Variants in PCA3 observed in about 807,000 individuals in gnomAD.
The protein encoded by PCA3 is prostate cancer associated 3.
intron 2 of PCA3, among the ~76,000 whole-genome samples, chr9:76,766,300 C>T (rs1189155317): frequency 1.3e-5 from 2 of 152,002 alleles, no homozygotes; most frequent in Non-Finnish European, 2.9e-5. Flanking sequence ...CATATGTTCA[C>T]TCCCCAGGCA....
At chr9:76,785,682 C>T (rs2054901630) in intron 2 of PCA3, 1 of 151,980 alleles carries the variant, frequency 6.6e-6, no homozygotes, top group African/African-American at 2.4e-5. Context: ...GGGTTCACTC[C>T]TGGCAATAAA....
intron 2 of PCA3, among the ~76,000 whole-genome samples, chr9:76,766,348 G>C (rs969093180): frequency 6.6e-6 from 1 of 152,026 alleles, no homozygotes; most frequent in African/African-American, 2.4e-5. Context: ...GCATTGAGTG[G>C]GTGGCTGTGT....
intron 2 of PCA3, among the ~76,000 whole-genome samples, chr9:76,776,576 AC>A (rs1326450311): frequency 7.8e-6 from 1 of 128,656 alleles, no homozygotes; most frequent in Non-Finnish European, 1.5e-5. Flanking sequence ...AGTGCAGTGC[AC>A]AATCTCGGCT....
intron 2 of PCA3, among the ~76,000 whole-genome samples, chr9:76,766,974 C>T (rs1020725444): frequency 1.3e-5 from 2 of 152,158 alleles, no homozygotes; most frequent in African/African-American, 2.4e-5. Context: ...TCTCCCACCT[C>T]GCCACACCTT....
At chr9:76,776,266 T>G (rs1347048516) in intron 2 of PCA3, among the ~76,000 whole-genome samples, 1 of 152,182 alleles carries the variant, frequency 6.6e-6, no homozygotes, top group African/African-American at 2.4e-5. Flanking sequence ...CAATGGGTAA[T>G]TTTTCATTCC....
At chr9:76,773,420 A>T (rs2053333308) in intron 2 of PCA3, among the ~76,000 whole-genome samples, 1 of 150,284 alleles carries the variant, frequency 6.7e-6, no homozygotes, top group Non-Finnish European at 1.5e-5. Context: ...CAGTCACATC[A>T]CATACACACT....
chr9:76,780,559 C>T (rs373646129), intron 2 of PCA3, among the ~76,000 whole-genome samples: 3 of 152,048 alleles, frequency 2.0e-5, no homozygotes, highest in Non-Finnish European at 2.9e-5. Flanking sequence ...GGCATGGTGG[C>T]GGGTGCCTGT....
intron 2 of PCA3, among the ~76,000 whole-genome samples, chr9:76,775,885 T>C (rs532388901): frequency 6.3e-4 from 95 of 151,856 alleles, no homozygotes; most frequent in African/African-American, 2.1e-3. Context: ...CCACCATTTC[T>C]ATAACTTCCA....
intron 2 of PCA3, among the ~76,000 whole-genome samples, chr9:76,775,973 A>G (rs182805196): frequency 2.0e-5 from 3 of 152,192 alleles, no homozygotes; most frequent in Non-Finnish European, 4.4e-5. Context: ...AAATTCCAGC[A>G]TTTTCTGGTG....
At chr9:76,785,863 A>G (rs956818298) in intron 2 of PCA3, 2 of 152,150 alleles carry the variant, frequency 1.3e-5, no homozygotes, top group Non-Finnish European at 2.9e-5. Flanking sequence ...TATCACCACC[A>G]TATCTCATTA....
chr9:76,765,552 G>C (rs1271950011), intron 2 of PCA3, among the ~76,000 whole-genome samples: 1 of 152,128 alleles, frequency 6.6e-6, no homozygotes, highest in Non-Finnish European at 1.5e-5. Context: ...TGTCTGATGG[G>C]GAGGTGGCTC....
At chr9:76,775,259 T>A (rs2053606801) in intron 2 of PCA3, among the ~76,000 whole-genome samples, 1 of 152,134 alleles carries the variant, frequency 6.6e-6, no homozygotes, top group South Asian at 2.1e-4. Context: ...CTCTTTGCAA[T>A]GACAAAGAGG....
chr9:76,779,685 T>C lies in PCA3; in HGVS notation n.853-28898T>C, dbSNP rs373853708. ...AAATTCTCCACTGTATTGTCTGAAA[T>C]GACTTATCTCAGTCCTGACTGTGGG... is the stretch of plus-strand genomic sequence containing the variant. On this transcript the variant is annotated intron_variant and non_coding_transcript_variant, in intron 2 of 5. Transcript: ENST00000644657. 34 of 152,346 alleles carry C rather than the reference T, an allele frequency of 2.2e-4. No individual in the cohort carries two copies. The East Asian group carries it at 4.2e-3, about 19-fold the overall frequency. The allele number at this position is 152,346 out of a possible 1,614,324, so 9.4% of individuals were successfully genotyped here.
At chr9:76,776,417 C>T (rs1367296997) in intron 2 of PCA3, among the ~76,000 whole-genome samples, 1 of 151,862 alleles carries the variant, frequency 6.6e-6, no homozygotes, top group Non-Finnish European at 1.5e-5. Context: ...AATTATTTCA[C>T]ATAGGATAAT....
At chr9:76,767,334 CCAGCTA>C (rs1443834364) in intron 2 of PCA3, among the ~76,000 whole-genome samples, 2 of 152,064 alleles carry the variant, frequency 1.3e-5, no homozygotes, top group African/African-American at 2.4e-5. Flanking sequence ...GCCTGTAATC[CCAGCTA>C]CTCGAGAGGC....
intron 2 of PCA3, among the ~76,000 whole-genome samples, chr9:76,767,516 T>C (rs192661828): frequency 1.3e-5 from 2 of 152,178 alleles, no homozygotes; most frequent in East Asian, 3.9e-4. Context: ...CACTTCTTCC[T>C]TGCCCTTGAC....
At chr9:76,775,448 T>C (rs2053631612) in intron 2 of PCA3, among the ~76,000 whole-genome samples, 1 of 150,442 alleles carries the variant, frequency 6.6e-6, no homozygotes, top group South Asian at 2.1e-4. Flanking sequence ...AGGCATGCAC[T>C]ACCATGCCCA....
intron 2 of PCA3, among the ~76,000 whole-genome samples, chr9:76,780,187 C>T (rs966462850): frequency 3.9e-5 from 6 of 152,098 alleles, no homozygotes; most frequent in South Asian, 2.1e-4. Flanking sequence ...AACTGGTTAG[C>T]GATAGCTACA....
chr9:76,775,589 C>A (rs2053648964), intron 2 of PCA3, among the ~76,000 whole-genome samples: 1 of 152,200 alleles, frequency 6.6e-6, no homozygotes, highest in African/African-American at 2.4e-5. Context: ...GTGTGAGCTA[C>A]TCTGCCCAGC....
Sources: gnomAD v4.1 joint callset for allele counts (sites outside exome capture counted in the v4.1 genomes callset) on GRCh38, gnomAD v4.1.1 for gene constraint, MANE v1.5 for transcripts, NCBI Gene and HGNC (gene_info 2026-07-23, HGNC 2026-07-21) for gene names.